ATP6V0E2: variants seen among roughly 807,000 people sequenced by gnomAD.
ATP6V0E2 encodes V-type proton ATPase subunit e 2.
Under a neutral mutation model 11.5 loss-of-function variants are expected in ATP6V0E2, and 4 were observed. That is an observed-to-expected ratio of 0.35 (90% confidence interval 0.17 to 0.80). The LOEUF is 0.80. ATP6V0E2 is among the 30% of genes least tolerant of loss of function. ATP6V0E2 has a pLI of 0.53. For synonymous variants in ATP6V0E2, 52 were observed against 51.0 expected (o/e 1.02, Z -0.09); for missense variants, 93 against 113.5 (o/e 0.82, Z 0.82).
intron 2 of ATP6V0E2, among the ~76,000 whole-genome samples, chr7:149,877,736 A>G (rs1252145848): frequency 6.6e-6 from 1 of 152,174 alleles, no homozygotes; most frequent in Non-Finnish European, 1.5e-5. Context: ...GGGCCTACAC[A>G]AGATGCGGGG....
At position 149,879,566 on chromosome 7, in the gene ATP6V0E2, G is replaced by A. The variant is rs1376051532; in HGVS notation, c.*251G>A. On this transcript the variant is annotated 3_prime_UTR_variant, in exon 4 of 4. Transcript: ENST00000425642. ...GAGGGGATGTCCTGCTCCAATACCC[G>A]CACTGCTCTGGAGTTTGCCCTCTTT... 3 of 1,536,372 alleles carry A rather than the reference G, an allele frequency of 2.0e-6. No homozygotes were observed. Among genetic ancestry groups the A allele is most frequent in the South Asian group, 2.6e-5 (2 of 77,964 alleles).
intron 2 of ATP6V0E2, chr7:149,876,054 C>T: frequency 2.2e-6 from 1 of 463,348 alleles, no homozygotes; most frequent in South Asian, 1.5e-5. Context: ...TGAATGCCCC[C>T]AGGTGACTGG....
Position 149,874,092 on chromosome 7 carries a change from G to C in ATP6V0E2, c.27G>C (p.Pro9=). 6.5e-7 allele frequency: 1 copy of C among 1,550,018 alleles called. No homozygotes were observed. Among genetic ancestry groups the C allele is most frequent in the South Asian group, 1.2e-5 (1 of 84,060 alleles). The change falls in exon 1 of 4, where the codon CCG becomes CCC. Residue 9 remains proline (P), a synonymous_variant. Coordinates refer to ENST00000425642, the MANE Select transcript of ATP6V0E2 (RefSeq NM_145230.4). MTAHSFAL[P]VIIFTTFWGL... ...TGACGGCGCACTCATTCGCCCTCCC[G>C]GTCATCATCTTCACCACGTTCTGGG...
chr7:149,875,746 G>A lies in ATP6V0E2; in HGVS notation c.152+101G>A, dbSNP rs1480077255. 5.7e-6 allele frequency: 7 copies of A among 1,218,818 alleles called. No homozygotes were observed. In the East Asian group the frequency reaches 1.6e-4, roughly 28 times the overall value. 75.5% of individuals were successfully genotyped at this position (1,218,818 alleles called of 1,614,324 possible). ...TCTTCCTTCTGTCCTGGTAGTAAAT[G>A]CCTCTTGAAAGGCTGAACCTATAAA... On this transcript the variant is annotated intron_variant, in intron 2 of 3. Coordinates refer to ENST00000425642, the MANE Select transcript of ATP6V0E2 (RefSeq NM_145230.4).
intron 3 of ATP6V0E2, 172 bp from the exon 4 acceptor site, chr7:149,879,163 C>A: frequency 7.1e-7 from 1 of 1,401,064 alleles, no homozygotes; most frequent in Non-Finnish European, 9.2e-7. Flanking sequence ...CCCATCCTCA[C>A]AGCGCTTCAC....
intron 2 of ATP6V0E2, chr7:149,876,163 G>C: frequency 2.2e-6 from 1 of 451,016 alleles, no homozygotes; most frequent in African/African-American, 2.0e-5. Flanking sequence ...GGATCACGAG[G>C]TCAGGAGTTC....
At chr7:149,875,776 C>A in intron 2 of ATP6V0E2, 131 bp downstream of exon 2, 1 of 893,220 alleles carries the variant, frequency 1.1e-6, no homozygotes, top group South Asian at 1.5e-5. Context: ...TATAAAACAA[C>A]AGGAGTGGAG....
In ATP6V0E2 at chr7:149,879,533, C is replaced by T. The variant is rs369976436; in HGVS notation, c.*218C>T. 1.9e-6 allele frequency: 3 copies of T among 1,566,084 alleles called. No individual in the cohort carries two copies. The highest frequency in any genetic ancestry group is 1.7e-6 in the Non-Finnish European group (2 of 1,156,754). On this transcript the variant is annotated 3_prime_UTR_variant, in exon 4 of 4. Transcript: ENST00000425642. ...GGGCCCTGGGGAGCCCTGGGCACAGCAGCGGCCGAGGGGATGTCCTGCTCC... is the reference window on the plus strand; with the variant it reads ...GGGCCCTGGGGAGCCCTGGGCACAGTAGCGGCCGAGGGGATGTCCTGCTCC...
chr7:149,877,849 G>T (rs1220985837), intron 2 of ATP6V0E2, among the ~76,000 whole-genome samples: 1 of 152,192 alleles, frequency 6.6e-6, no homozygotes, highest in Non-Finnish European at 1.5e-5. Flanking sequence ...AAAATGTTAC[G>T]CCTAGAAATT....
At chr7:149,874,295 C>T (rs1462528229) in intron 1 of ATP6V0E2, 126 bp downstream of exon 1, 14 of 1,259,354 alleles carry the variant, frequency 1.1e-5, no homozygotes, top group African/African-American at 3.1e-5. Context: ...GCCAGGACCC[C>T]GGACGCCACC....
intron 1 of ATP6V0E2, chr7:149,874,938 G>A (rs1012188835): frequency 2.6e-5 from 4 of 153,746 alleles, no homozygotes; most frequent in African/African-American, 9.6e-5. Flanking sequence ...TTGGACATGT[G>A]AGTGCTGCCT....
intron 1 of ATP6V0E2, among the ~76,000 whole-genome samples, chr7:149,875,364 T>C (rs1265596125): frequency 6.6e-6 from 1 of 152,242 alleles, no homozygotes; most frequent in Admixed American, 6.5e-5. Flanking sequence ...GGAAGGATTC[T>C]TAAGGCAACT....
At chr7:149,879,155 C>G in intron 3 of ATP6V0E2, 180 bp from the exon 4 acceptor site, 10 of 1,399,826 alleles carry the variant, frequency 7.1e-6, no homozygotes, top group Non-Finnish European at 9.2e-6. Context: ...CCCCCTCCCC[C>G]ATCCTCACAG....
At chr7:149,875,480 G>C in intron 1 of ATP6V0E2, 118 bp from the exon 2 acceptor site, 2 of 933,704 alleles carry the variant, frequency 2.1e-6, no homozygotes, top group South Asian at 2.6e-5. Flanking sequence ...TGTCCAGGAG[G>C]CATCAGGAAG....
intron 3 of ATP6V0E2, 48 bp from the exon 4 acceptor site, chr7:149,879,287 G>A: frequency 1.4e-6 from 2 of 1,443,114 alleles, no homozygotes; most frequent in Non-Finnish European, 1.8e-6. Context: ...GGGGGCAGTG[G>A]AGTCTCCACT....
At chr7:149,872,991 G>A (rs1802917338), upstream of ATP6V0E2, 1 of 152,186 alleles carries the variant, frequency 6.6e-6, no homozygotes, top group Non-Finnish European at 1.5e-5. Context: ...CCGCCTGGAG[G>A]CCACTGATCT....
Position 149,878,809 on chromosome 7 carries a change from G to T in ATP6V0E2, c.*19+19G>T. ...GACCCAGGTACTGTGTGGGCGAGGG[G>T]TGTGGGTGGGGAAGAGGGGAAAGAC... On this transcript the variant is annotated intron_variant, in intron 3 of 3. Coordinates refer to ENST00000425642, the MANE Select transcript of ATP6V0E2 (RefSeq NM_145230.4). 1.3e-5 allele frequency: 21 copies of T among 1,608,006 alleles called. No individual in the cohort carries two copies. Among genetic ancestry groups the T allele is most frequent in the Non-Finnish European group, 1.8e-5 (21 of 1,177,384 alleles).
chr7:149,876,385 A>T (rs1803143312), intron 2 of ATP6V0E2, among the ~76,000 whole-genome samples: 1 of 152,168 alleles, frequency 6.6e-6, no homozygotes, highest in Non-Finnish European at 1.5e-5. Context: ...CTAAAAAAAG[A>T]ACCACTAGGT....
In ATP6V0E2 at chr7:149,879,843, A is replaced by G; in HGVS notation, c.*528A>G. 1 of 464,346 alleles carries G rather than the reference A, an allele frequency of 2.2e-6. No individual in the cohort carries two copies. Among genetic ancestry groups the G allele is most frequent in the Middle Eastern group, 3.0e-4 (1 of 3,340 alleles). 28.8% of individuals were successfully genotyped at this position (464,346 alleles called of 1,614,324 possible). Reference sequence around the variant, plus strand: ...ATTGTTAATTTTCTGACACGTCTAGATGTGAAATTTCTGAAAATGTTGAAG... The same window carrying G: ...ATTGTTAATTTTCTGACACGTCTAGGTGTGAAATTTCTGAAAATGTTGAAG... On this transcript the variant is annotated 3_prime_UTR_variant, in exon 4 of 4. Transcript: ENST00000425642.
Sources: allele counts gnomAD v4.1 joint callset (sites outside exome capture counted in the v4.1 genomes callset), GRCh38; gene constraint gnomAD v4.1.1; transcripts MANE v1.5; gene names NCBI Gene and HGNC (gene_info 2026-07-23, HGNC 2026-07-21).